Variants in PALM observed in about 807,000 individuals in gnomAD.
PALM encodes the protein paralemmin.
Under a neutral mutation model 30.7 loss-of-function variants are expected in PALM, and 18 were observed. That is an observed-to-expected ratio of 0.59 (90% CI 0.41 to 0.87). The LOEUF (loss-of-function observed/expected upper bound fraction) is 0.87, where lower values mean the gene tolerates loss of function less well. PALM is among the 40% of genes least tolerant of loss of function. The probability of loss-of-function intolerance (pLI) is 0.00; values close to 1 mark genes in which losing one functional copy is unlikely to be tolerated. For synonymous variants in PALM, 286 were observed against 242.8 expected, an observed-to-expected ratio of 1.18 and a Z score of -1.66; for missense variants, 529 against 555.4, an observed-to-expected ratio of 0.95 and a Z score of 0.48.
At chr19:728,526 G>A (rs1363590527) in intron 4 of PALM, among the ~76,000 whole-genome samples, 2 of 152,208 alleles carry the variant, frequency 1.3e-5, no homozygotes, top group East Asian at 3.9e-4. Flanking sequence ...GGCATGGACA[G>A]GCCGGGTGCG....
intron 1 of PALM, among the ~76,000 whole-genome samples, chr19:720,051 C>G (rs1270591964): frequency 2.6e-5 from 4 of 152,030 alleles, no homozygotes; most frequent in South Asian, 2.1e-4. Flanking sequence ...GCCCCCCGGA[C>G]GCCCAGACGG....
chr19:740,610 C>G (rs1050161183), intron 8 of PALM, 127 bp downstream of exon 8: 43 of 931,960 alleles, frequency 4.6e-5, no homozygotes, highest in Admixed American at 7.7e-5. Context: ...GCAGATGACG[C>G]TGTTCAGGCC....
At position 746,651 on chromosome 19, in the gene PALM, C is replaced by A; in HGVS notation, c.1001C>A (p.Ala334Glu). ...ITAELVVIED[A>E]AEPKEPAPPN... ...GCGGAGCTGGTGGTCATCGAAGACG[C>A]GGCTGAGCCCAAGGAGCCTGCACCA... is the stretch of plus-strand genomic sequence containing the variant. The change falls in exon 9 of 9, where the codon GCG becomes GAG. Residue 334 changes from alanine to glutamate, a missense_variant. Physicochemically the swap from Ala to Glu is moderately radical, Grantham distance 107 (BLOSUM62 -1). Transcript: ENST00000338448. The surrounding 1 kb of genome is among the most constrained non-coding windows in gnomAD (Gnocchi z 7.1). 1 of 1,612,322 alleles carries A rather than the reference C, an allele frequency of 6.2e-7. No homozygotes were observed. The highest frequency in any genetic ancestry group is 8.5e-7 in the Non-Finnish European group (1 of 1,179,650).
intron 1 of PALM, among the ~76,000 whole-genome samples, chr19:725,900 C>T (rs888929897): frequency 2.0e-5 from 3 of 152,188 alleles, no homozygotes; most frequent in Non-Finnish European, 4.4e-5. Context: ...CTCAATGTCC[C>T]CTTCTCCCCA....
intron 1 of PALM, among the ~76,000 whole-genome samples, chr19:717,216 C>T (rs1240342203): frequency 2.6e-5 from 4 of 152,130 alleles, no homozygotes; most frequent in African/African-American, 9.7e-5. Flanking sequence ...GTGTGAGCCA[C>T]CGCGCCCAGC....
chr19:713,583 T>TTTTG (rs888203119), intron 1 of PALM, among the ~76,000 whole-genome samples: 10 of 152,330 alleles, frequency 6.6e-5, no homozygotes, highest in Middle Eastern at 3.4e-3. Flanking sequence ...CTTATGTTCT[T>TTTTG]TTTGTTTGTT....
chr19:746,139 T>C lies in PALM; in HGVS notation c.635-146T>C, dbSNP rs1430807811. The C allele has an allele frequency of 7.9e-6, 5 of 632,726 alleles. No individual in the cohort carries two copies. Among genetic ancestry groups the C allele is most frequent in the Admixed American group, 2.9e-5 (1 of 34,646 alleles). The allele number at this position is 632,726 out of a possible 1,614,324, so 39.2% of individuals were successfully genotyped here. A position where few individuals can be genotyped will look rare whatever the true frequency, so the allele number is the denominator to read the frequency against. On this transcript the variant is annotated intron_variant, in intron 8 of 8. Coordinates refer to ENST00000338448, the MANE Select transcript of PALM (RefSeq NM_002579.3). The surrounding 1 kb of genome is among the most constrained non-coding windows in gnomAD (Gnocchi z 7.1). ...GGGGGCTTTAATTGTCTGTCAGTTC[T>C]GACGGTGTAATCTAGTTCGTGATTT...
chr19:743,753 C>T (rs1026379497), intron 8 of PALM, among the ~76,000 whole-genome samples: 3 of 152,030 alleles, frequency 2.0e-5, no homozygotes, highest in Non-Finnish European at 2.9e-5. Flanking sequence ...AGCAGGGAGC[C>T]GTGGGGTGCT....
chr19:719,586 G>C, intron 1 of PALM: 1 of 986,670 alleles, frequency 1.0e-6, no homozygotes, highest in African/African-American at 1.7e-5. Flanking sequence ...GGGACCCCCA[G>C]CAGCACCAGG....
chr19:746,178 G>C lies in PALM; in HGVS notation c.635-107G>C. On this transcript the variant is annotated intron_variant, in intron 8 of 8. Transcript: ENST00000338448. This position sits in a 1 kb window ranked among gnomAD's most constrained non-coding sequence, Gnocchi z 7.1. Reference sequence around the variant, plus strand: ...AGTTCGTGATTTCCTCTTTAGCCTGGAGGAGGATACAAGCCTTGCCAAGGT... The same window carrying C: ...AGTTCGTGATTTCCTCTTTAGCCTGCAGGAGGATACAAGCCTTGCCAAGGT... 1 of 772,124 alleles carries C rather than the reference G, an allele frequency of 1.3e-6. No homozygotes were observed. Among genetic ancestry groups the C allele is most frequent in the Non-Finnish European group, 2.2e-6 (1 of 462,486 alleles). 47.8% of individuals were successfully genotyped at this position (772,124 alleles called of 1,614,324 possible).
intron 1 of PALM, among the ~76,000 whole-genome samples, chr19:722,168 T>G (rs1225152632): frequency 1.3e-5 from 2 of 152,144 alleles, no homozygotes; most frequent in Non-Finnish European, 2.9e-5. Context: ...TCCGCCCGCC[T>G]CGGCCTCCCA....
intron 7 of PALM, among the ~76,000 whole-genome samples, chr19:739,076 G>A (rs2033109531): frequency 6.6e-6 from 1 of 152,140 alleles, no homozygotes. Context: ...GGGGGTGGCG[G>A]GCAGCCACCA....
At chr19:735,431 A>G in intron 6 of PALM, among the ~76,000 whole-genome samples, 1 of 86,906 alleles carries the variant, frequency 1.2e-5, no homozygotes, top group East Asian at 3.3e-4. Flanking sequence ...TCTGGATGGG[A>G]TCCGTGTGTC....
At chr19:740,679 C>G (rs1441071048) in intron 8 of PALM, among the ~76,000 whole-genome samples, 196 bp downstream of exon 8, 2 of 152,250 alleles carry the variant, frequency 1.3e-5, no homozygotes, top group Non-Finnish European at 2.9e-5. Flanking sequence ...CCTGGGCTCA[C>G]TGCCCAATCA....
In PALM at chr19:727,003, C is replaced by T. The variant is rs748621200; in HGVS notation, c.58-5C>T. Reference sequence around the variant, plus strand: ...ATCCCTGACCCCACCCGGCCCTCCCCACAGGAGAAGCGGAAGCGGCAGGCG... The same window carrying T: ...ATCCCTGACCCCACCCGGCCCTCCCTACAGGAGAAGCGGAAGCGGCAGGCG... On this transcript the variant is annotated splice_region_variant and splice_polypyrimidine_tract_variant and intron_variant, in intron 2 of 8. Coordinates refer to ENST00000338448, the MANE Select transcript of PALM (RefSeq NM_002579.3). 14 of 1,524,186 alleles carry T rather than the reference C, an allele frequency of 9.2e-6. No homozygotes were observed. The South Asian group carries it at 1.6e-4, about 17-fold the overall frequency. 94.4% of individuals were successfully genotyped at this position (1,524,186 alleles called of 1,614,324 possible).
At position 746,631 on chromosome 19, in the gene PALM, G is replaced by A; in HGVS notation, c.981G>A (p.Glu327=). The A allele has an allele frequency of 6.2e-7, 1 of 1,613,046 alleles. No homozygotes were observed. The highest frequency in any genetic ancestry group is 1.1e-5 in the South Asian group (1 of 91,042). The change falls in exon 9 of 9, where the codon GAG becomes GAA. Residue 327 remains glutamate (E), a synonymous_variant. Coordinates refer to ENST00000338448, the MANE Select transcript of PALM (RefSeq NM_002579.3). This position sits in a 1 kb window ranked among gnomAD's most constrained non-coding sequence, Gnocchi z 7.1. ...GCCTTCAAGATACCATCACGGCGGAGCTGGTGGTCATCGAAGACGCGGCTG... is the reference window on the plus strand; with the variant it reads ...GCCTTCAAGATACCATCACGGCGGAACTGGTGGTCATCGAAGACGCGGCTG... The part of the protein sequence containing the change: ...VLGLQDTITA[E]LVVIEDAAEP...
chr19:725,587 A>G (rs908581699), intron 1 of PALM, among the ~76,000 whole-genome samples: 6 of 152,182 alleles, frequency 3.9e-5, no homozygotes, highest in African/African-American at 4.8e-5. Context: ...CAATGATTGG[A>G]TAAGAGCGAG....
Position 709,319 on chromosome 19 carries a change from C to A in PALM, c.5+168C>A, listed in dbSNP as rs889333384. Reference sequence around the variant, plus strand: ...CAGCGCAGCCGGGAAGAGACTCGGGCTGGGCCGCGCCTGCCGGGAGGCCTC... The same window carrying A: ...CAGCGCAGCCGGGAAGAGACTCGGGATGGGCCGCGCCTGCCGGGAGGCCTC... On this transcript the variant is annotated intron_variant, in intron 1 of 8. Transcript: ENST00000338448. The surrounding 1 kb of genome is among the most constrained non-coding windows in gnomAD (Gnocchi z 4.3). 1.3e-5 allele frequency among the ~76,000 whole-genome samples: 2 copies of A among 151,302 alleles called. No individual in the cohort carries two copies. The highest frequency in any genetic ancestry group is 4.8e-5 in the African/African-American group (2 of 41,346).
At chr19:725,626 T>C (rs1370515110) in intron 1 of PALM, among the ~76,000 whole-genome samples, 1 of 152,158 alleles carries the variant, frequency 6.6e-6, no homozygotes, top group Non-Finnish European at 1.5e-5. Flanking sequence ...CTTGGATCCT[T>C]TGCTGTGCGT....
Sources: gnomAD v4.1 joint callset for allele counts (sites outside exome capture counted in the v4.1 genomes callset) on GRCh38, gnomAD v4.1.1 for gene constraint, Gnocchi (gnomAD v3.1) non-coding constraint, MANE v1.5 for transcripts, NCBI Gene and HGNC (gene_info 2026-07-23, HGNC 2026-07-21) for gene names.